The following CCDC88A variants were observed in gnomAD, a reference collection of about 807,000 sequenced individuals.
The protein encoded by CCDC88A is girdin.
A neutral mutation model predicts 234.3 loss-of-function variants in CCDC88A; 54 were observed. That is an observed-to-expected ratio of 0.23 (90% CI 0.19 to 0.29). The LOEUF (loss-of-function observed/expected upper bound fraction) is 0.29, where lower values mean the gene tolerates loss of function less well. Among genes scored for constraint, CCDC88A ranks in the 10% least tolerant of loss-of-function variants. The pLI is 1.00. For missense variants in CCDC88A, 1,832 were observed against 2,123.4 expected (o/e 0.86, Z 2.70); for synonymous variants, 753 against 737.8 (o/e 1.02, Z -0.33).
Position 55,419,398 on chromosome 2 carries a change from A to G in CCDC88A, c.-319T>C. 1 of 331,784 alleles carries G rather than the reference A, an allele frequency of 3.0e-6. No homozygotes were observed. The highest frequency in any genetic ancestry group is 5.7e-6 in the Non-Finnish European group (1 of 176,768). 20.6% of individuals were successfully genotyped at this position (331,784 alleles called of 1,614,324 possible). ...AAGGGGGCTGGAACCCAAGACAAAAAGCCCGTCAAGGTTGTCCAGCTCCTG... is the reference window on the plus strand; with the variant it reads ...AAGGGGGCTGGAACCCAAGACAAAAGGCCCGTCAAGGTTGTCCAGCTCCTG... On this transcript the variant is annotated 5_prime_UTR_variant, in exon 1 of 33. Transcript: ENST00000436346.
At chr2:55,396,731 G>A (rs1045873736) in intron 2 of CCDC88A, among the ~76,000 whole-genome samples, 3 of 151,822 alleles carry the variant, frequency 2.0e-5, no homozygotes, top group African/African-American at 4.8e-5. Context: ...TTAGCCAGGC[G>A]TGGTGGCAGG....
intron 25 of CCDC88A, chr2:55,308,527 A>T (rs1032964193): frequency 5.4e-5 from 18 of 332,714 alleles, no homozygotes; most frequent in African/African-American, 3.4e-4. Context: ...AGGCTTGCCC[A>T]TATTAACAGA....
chr2:55,349,458 G>T, intron 9 of CCDC88A, 60 bp downstream of exon 9: 1 of 1,204,284 alleles, frequency 8.3e-7, no homozygotes, highest in Non-Finnish European at 1.2e-6. Flanking sequence ...AAATTACAAG[G>T]AAGAAAATCA....
chr2:55,357,263 T>C (rs1670701879), intron 7 of CCDC88A, among the ~76,000 whole-genome samples: 1 of 152,116 alleles, frequency 6.6e-6, no homozygotes, highest in Non-Finnish European at 1.5e-5. Flanking sequence ...CTGCTTCCTA[T>C]CTCAAAGATA....
In CCDC88A at chr2:55,419,036, G is replaced by C. The variant is rs2105017789; in HGVS notation, c.44C>G (p.Thr15Ser). 6.2e-7 allele frequency: 1 copy of C among 1,613,426 alleles called. No individual in the cohort carries two copies. The highest frequency in any genetic ancestry group is 8.5e-7 in the Non-Finnish European group (1 of 1,179,364). ...IFTPLLEQFM[T>S]SPLVTWVKTF... ...ACTTACCCAAGTGACCAAAGGGCTG[G>C]TCATGAACTGCTCCAGAAGGGGAGT... is the stretch of plus-strand genomic sequence containing the variant. Residue 15 changes from threonine to serine, a missense_variant, in exon 1 of 33, where the codon ACC (threonine) becomes AGC (serine). This residue lies in a region of CCDC88A where 36 missense variants were observed against 44.0 expected (regional missense o/e 0.82). Transcript: ENST00000436346.
chr2:55,349,461 G>T (rs1179338534), intron 9 of CCDC88A, 57 bp downstream of exon 9: 1 of 1,239,516 alleles, frequency 8.1e-7, no homozygotes, highest in Non-Finnish European at 1.2e-6. Context: ...TTACAAGGAA[G>T]AAAATCAATT....
In CCDC88A at chr2:55,341,170, G is replaced by C. The variant is rs537346380; in HGVS notation, c.1334-1522C>G. The stretch of plus-strand genomic sequence containing the variant: ...TTTTTTTTTTTTTTTTTTTGAGACA[G>C]AGTCTTGCTCTGTCACCCAGGCTGG... On this transcript the variant is annotated intron_variant, in intron 12 of 32. Transcript: ENST00000436346. Among the ~76,000 whole-genome samples the C allele has an allele frequency of 3.8e-4, 45 of 119,994 alleles. No homozygotes were observed. In the Admixed American group the frequency reaches 4.0e-3, roughly 11 times the overall value. The allele number at this position is 119,994 out of a possible 152,430, so 78.7% of individuals were successfully genotyped here. A position where few individuals can be genotyped will look rare whatever the true frequency, so the allele number is the denominator to read the frequency against.
At chr2:55,384,234 G>GA (rs892805130) in intron 3 of CCDC88A, among the ~76,000 whole-genome samples, 30 of 137,706 alleles carry the variant, frequency 2.2e-4, no homozygotes, top group African/African-American at 5.6e-4. Context: ...AACACATAAG[G>GA]AAAAAAAAAA....
At chr2:55,373,816 T>C (rs985317463) in intron 4 of CCDC88A, among the ~76,000 whole-genome samples, 2 of 152,180 alleles carry the variant, frequency 1.3e-5, no homozygotes, top group East Asian at 3.8e-4. Context: ...TTGATTTTAG[T>C]TTTTATTTTG....
rs77053187 is a variant in CCDC88A at position 55,313,009 on chromosome 2, A to C, written c.3934-430T>G. On this transcript the variant is annotated intron_variant, in intron 22 of 32. Coordinates refer to ENST00000436346, the MANE Select transcript of CCDC88A (RefSeq NM_001365480.1). ...TGCAAGGATTAATTAGCATATGTAAAGTATCTAGTAGCATGTGTGTAGCAC... is the reference window on the plus strand; with the variant it reads ...TGCAAGGATTAATTAGCATATGTAACGTATCTAGTAGCATGTGTGTAGCAC... The C allele has an allele frequency of 3.4e-3, 549 of 159,892 alleles. 3 individuals carry two copies. Among genetic ancestry groups the C allele is most frequent in the African/African-American group, 0.011 (468 of 41,616 alleles). The allele number at this position is 159,892 out of a possible 1,614,324, so 9.9% of individuals were successfully genotyped here.
intron 2 of CCDC88A, among the ~76,000 whole-genome samples, chr2:55,390,680 T>C (rs180755565): frequency 1.1e-4 from 17 of 152,310 alleles, no homozygotes; most frequent in Admixed American, 4.6e-4. Context: ...TGAGGTGCTT[T>C]CCAGAATGAG....
At chr2:55,409,047 A>G (rs998890967) in intron 2 of CCDC88A, among the ~76,000 whole-genome samples, 3 of 151,324 alleles carry the variant, frequency 2.0e-5, no homozygotes, top group African/African-American at 4.9e-5. Context: ...GCTAAGCATT[A>G]CTGGTTACTC....
intron 2 of CCDC88A, among the ~76,000 whole-genome samples, chr2:55,416,098 C>T (rs892928766): frequency 2.0e-5 from 3 of 151,570 alleles, no homozygotes; most frequent in African/African-American, 4.8e-5. Context: ...AATTAGCAGA[C>T]ATAGACATTA....
At position 55,359,280 on chromosome 2, in the gene CCDC88A, C is replaced by T. The variant is rs79887654; in HGVS notation, c.627+3028G>A. ...CAGGAGAAAATACAGAAGACAGATA[C>T]TACATTTGAACTTAGTAGGTGGTGA... On this transcript the variant is annotated intron_variant, in intron 7 of 32. Coordinates refer to ENST00000436346, the MANE Select transcript of CCDC88A (RefSeq NM_001365480.1). 5.2e-3 allele frequency among the ~76,000 whole-genome samples: 791 copies of T among 152,050 alleles called. 29 individuals carry two copies. In the East Asian group the frequency reaches 0.12, roughly 24 times the overall value.
chr2:55,322,837 C>T (rs563696000), intron 17 of CCDC88A, 145 bp from the exon 18 acceptor site: 2 of 440,908 alleles, frequency 4.5e-6, no homozygotes, highest in South Asian at 1.6e-4. Context: ...ATGATTTATG[C>T]TTTTTAAAAT....
Position 55,289,883 on chromosome 2 carries a change from A to G in CCDC88A, c.*1317T>C, listed in dbSNP as rs962149242. On this transcript the variant is annotated 3_prime_UTR_variant, in exon 33 of 33. Transcript: ENST00000436346. The stretch of plus-strand genomic sequence containing the variant: ...ACTATGGAATATGGAATTATTCCAA[A>G]AAGTTCTTCAGAGCTGGTAATGAAA... The G allele has an allele frequency of 6.6e-6, 1 of 152,472 alleles. No individual in the cohort carries two copies. Among genetic ancestry groups the G allele is most frequent in the Admixed American group, 6.5e-5 (1 of 15,270 alleles). The allele number at this position is 152,472 out of a possible 1,614,324, so 9.4% of individuals were successfully genotyped here.
At chr2:55,362,137 G>T in intron 7 of CCDC88A, 171 bp downstream of exon 7, 1 of 470,794 alleles carries the variant, frequency 2.1e-6, no homozygotes. Flanking sequence ...CTGTTTACTA[G>T]CAATTTGGGG....
chr2:55,317,812 A>G lies in CCDC88A; in HGVS notation c.3354T>C (p.Ser1118=). 1.2e-6 allele frequency: 2 copies of G among 1,607,380 alleles called. No homozygotes were observed. The highest frequency in any genetic ancestry group is 1.7e-6 in the Non-Finnish European group (2 of 1,175,302). The change falls in exon 20 of 33, where the codon AGT becomes AGC. Residue 1118 remains serine (S), a synonymous_variant. Coordinates refer to ENST00000436346, the MANE Select transcript of CCDC88A (RefSeq NM_001365480.1). This position sits in a 1 kb window ranked among gnomAD's most constrained non-coding sequence, Gnocchi z 4.2. ...QVENSTLNSQ[S]TSLMNQNAQL... is the part of the protein sequence containing the mutation. ...GGGCATTCTGGTTCATGAGTGAGGT[A>G]CTTTGGGAATTAAGGGTGGAATTTT...
intron 2 of CCDC88A, among the ~76,000 whole-genome samples, chr2:55,401,465 T>TAC (rs758358706): frequency 6.2e-5 from 2 of 32,208 alleles, no homozygotes; most frequent in African/African-American, 3.2e-4. Context: ...TATATATATA[T>TAC]ACATATGTGT....
Sources: allele counts gnomAD v4.1 joint callset (sites outside exome capture counted in the v4.1 genomes callset), GRCh38; gene constraint gnomAD v4.1.1; regional missense constraint gnomAD v4.1.1; non-coding constraint Gnocchi (gnomAD v3.1); transcripts MANE v1.5; gene names NCBI Gene and HGNC (gene_info 2026-07-23, HGNC 2026-07-21).